Variants in AGBL3 observed in about 807,000 individuals in gnomAD.
AGBL3 encodes AGBL carboxypeptidase 3.
Under a neutral mutation model 94.5 loss-of-function variants are expected in AGBL3, and 68 were observed. The observed-to-expected ratio is 0.72, with a 90% confidence interval of 0.59 to 0.88. The LOEUF (loss-of-function observed/expected upper bound fraction) is 0.88, where lower values mean the gene tolerates loss of function less well. Ranked by LOEUF, AGBL3 falls within the 40% of genes least tolerant of loss-of-function variation. AGBL3 has a pLI of 0.00. For synonymous variants in AGBL3, 354 were observed against 370.7 expected, an observed-to-expected ratio of 0.95 and a Z score of 0.52; for missense variants, 934 against 1,103.8, an observed-to-expected ratio of 0.85 and a Z score of 2.18.
intron 8 of AGBL3, among the ~76,000 whole-genome samples, chr7:135,043,757 A>AAT (rs1476325599): frequency 6.6e-6 from 1 of 151,970 alleles, no homozygotes; most frequent in African/African-American, 2.4e-5. Context: ...ACTTATTTTG[A>AAT]ATATATATGT....
At chr7:134,994,012 T>C (rs1051763779) in intron 4 of AGBL3, among the ~76,000 whole-genome samples, 41 of 152,256 alleles carry the variant, frequency 2.7e-4, no homozygotes, top group African/African-American at 9.6e-4. Context: ...AGTAGCCACA[T>C]GGGCTTAAAT....
intron 1 of AGBL3, 64 bp downstream of exon 1, chr7:134,986,765 T>G (rs766418284): frequency 3.3e-5 from 5 of 152,304 alleles, no homozygotes; most frequent in Non-Finnish European, 7.3e-5. Flanking sequence ...AATGAGCGCC[T>G]CCCCACACCA....
chr7:135,000,177 G>A lies in AGBL3; in HGVS notation c.310+6499G>A, dbSNP rs140515125. 3.9e-3 allele frequency among the ~76,000 whole-genome samples: 588 copies of A among 152,316 alleles called. 3 individuals are homozygous for A. The highest frequency in any genetic ancestry group is 5.7e-3 in the Non-Finnish European group (386 of 68,034). Reference sequence around the variant, plus strand: ...CTTTCACATCACTTAAGGCATTGTGGGCATTTCAGCTTTCACGGTTATATG... The same window carrying A: ...CTTTCACATCACTTAAGGCATTGTGAGCATTTCAGCTTTCACGGTTATATG... On this transcript the variant is annotated intron_variant, in intron 4 of 16. Transcript: ENST00000436302.
At chr7:135,000,128 G>A (rs1336643932) in intron 4 of AGBL3, among the ~76,000 whole-genome samples, 3 of 152,198 alleles carry the variant, frequency 2.0e-5, no homozygotes, top group Non-Finnish European at 2.9e-5. Flanking sequence ...GAGCCCTTCT[G>A]GGCACTGCCT....
In AGBL3 at chr7:135,099,167, G is replaced by T. The variant is rs149208873; in HGVS notation, c.2111-16213G>T. 5.4e-3 allele frequency among the ~76,000 whole-genome samples: 697 copies of T among 129,804 alleles called. 3 individuals are homozygous for T. Among genetic ancestry groups the T allele is most frequent in the African/African-American group, 0.018 (667 of 37,052 alleles). 85.2% of individuals were successfully genotyped at this position (129,804 alleles called of 152,430 possible). ...ATATGTTAGACTATTTTTTGGTCTG[G>T]TATATCTGTGTCCTAGATTGGCTCT... is the stretch of plus-strand genomic sequence containing the variant. On this transcript the variant is annotated intron_variant, in intron 15 of 16. Coordinates refer to ENST00000436302, the MANE Select transcript of AGBL3 (RefSeq NM_178563.4).
At chr7:135,050,884 T>C in intron 11 of AGBL3, 1 of 283,566 alleles carries the variant, frequency 3.5e-6, no homozygotes. Context: ...TGTCCTTTGA[T>C]TGAGTTTAGT....
At chr7:135,091,484 G>C (rs1821850490) in intron 15 of AGBL3, among the ~76,000 whole-genome samples, 1 of 152,112 alleles carries the variant, frequency 6.6e-6, no homozygotes. Context: ...TGTATAAGTG[G>C]ATCCACACAG....
intron 5 of AGBL3, among the ~76,000 whole-genome samples, chr7:135,026,137 T>C (rs914996179): frequency 1.3e-5 from 2 of 151,344 alleles, no homozygotes; most frequent in African/African-American, 4.8e-5. Context: ...TATTCTAAGA[T>C]CAACCACATG....
intron 6 of AGBL3, 93 bp downstream of exon 6, chr7:135,033,075 C>A (rs968915918): frequency 8.0e-7 from 1 of 1,243,000 alleles, no homozygotes; most frequent in Non-Finnish European, 1.1e-6. Context: ...CATTATGAAA[C>A]TGTAATTCCT....
intron 4 of AGBL3, among the ~76,000 whole-genome samples, chr7:135,003,654 T>G (rs1330395151): frequency 6.6e-6 from 1 of 151,672 alleles, no homozygotes; most frequent in Non-Finnish European, 1.5e-5. Context: ...TATTATAGTT[T>G]TAATTTTTTT....
At chr7:135,019,092 A>G (rs915054950) in intron 5 of AGBL3, among the ~76,000 whole-genome samples, 3 of 152,224 alleles carry the variant, frequency 2.0e-5, no homozygotes, top group Non-Finnish European at 1.5e-5. Context: ...TCAGTCATAC[A>G]GTAAGTACAC....
chr7:134,989,250 G>C lies in AGBL3; in HGVS notation c.64G>C (p.Asp22His), dbSNP rs1300521005. Residue 22 changes from aspartate to histidine, a missense_variant and splice_region_variant, in exon 3 of 17, where the codon GAT becomes CAT. By Grantham distance (81) the Asp-to-His change is moderately conservative. Around this residue, in one of 3 missense-constraint regions of AGBL3, gnomAD observed 488 missense variants for 563.6 expected, o/e 0.87. Coordinates refer to ENST00000436302, the MANE Select transcript of AGBL3 (RefSeq NM_178563.4). ...DRTISDEDES[D>H]EDMFMKFVSE... ...AAATATTTTTAAATTCTTATTTTAG[G>C]ATGAGGATATGTTCATGAAATTTGT... is the stretch of plus-strand genomic sequence containing the variant. 6.5e-7 allele frequency: 1 copy of C among 1,538,046 alleles called. No homozygotes were observed. The highest frequency in any genetic ancestry group is 8.8e-7 in the Non-Finnish European group (1 of 1,140,118).
chr7:135,134,992 C>T lies in AGBL3; in HGVS notation c.2494C>T (p.Pro832Ser). 6.4e-7 allele frequency: 1 copy of T among 1,551,172 alleles called. No individual in the cohort carries two copies. Among genetic ancestry groups the T allele is most frequent in the Non-Finnish European group, 8.7e-7 (1 of 1,146,656 alleles). The change falls in exon 17 of 17, where the codon CCT becomes TCT. Residue 832 changes from proline to serine, a missense_variant. This residue lies in a region of AGBL3 where 441 missense variants were observed against 518.2 expected (regional missense o/e 0.85). Coordinates refer to ENST00000436302, the MANE Select transcript of AGBL3 (RefSeq NM_178563.4). The stretch of plus-strand genomic sequence containing the variant: ...CCACAGGTCATTGGAAAGTTTATCA[C>T]CTCTCAAAGGCCCCAAGAAGAATAA... ...KPHRSLESLS[P>S]LKGPKKNKHS...
At chr7:135,004,531 C>T (rs1812138202) in intron 4 of AGBL3, among the ~76,000 whole-genome samples, 1 of 151,556 alleles carries the variant, frequency 6.6e-6, no homozygotes, top group Non-Finnish European at 1.5e-5. Flanking sequence ...TATTTTGTTA[C>T]TGTTTTAGAG....
intron 5 of AGBL3, among the ~76,000 whole-genome samples, chr7:135,017,694 C>T (rs894948287): frequency 6.8e-5 from 3 of 44,212 alleles, no homozygotes; most frequent in Non-Finnish European, 1.3e-4. Flanking sequence ...TTCACCATCA[C>T]AGTTTAATGT....
intron 5 of AGBL3, among the ~76,000 whole-genome samples, chr7:135,030,478 G>A (rs1815611275): frequency 6.6e-6 from 1 of 152,150 alleles, no homozygotes; most frequent in Admixed American, 6.6e-5. Flanking sequence ...ATAAGTAGGA[G>A]ACCATCTGTA....
chr7:135,097,951 A>G (rs1823162481), intron 15 of AGBL3, among the ~76,000 whole-genome samples: 2 of 152,184 alleles, frequency 1.3e-5, no homozygotes, highest in African/African-American at 4.8e-5. Context: ...TCAGTGCTTT[A>G]AAAACATTTT....
At chr7:134,989,376 G>A in intron 3 of AGBL3, 66 bp downstream of exon 3, 1 of 1,145,176 alleles carries the variant, frequency 8.7e-7, no homozygotes, top group Non-Finnish European at 1.2e-6. Context: ...AGAAGATGAG[G>A]AAACTAAAAA....
At chr7:135,062,449 G>T (rs977377184) in intron 12 of AGBL3, among the ~76,000 whole-genome samples, 7 of 152,040 alleles carry the variant, frequency 4.6e-5, no homozygotes, top group African/African-American at 1.7e-4. Context: ...TGATCTTAGA[G>T]GAAAAGCTTT....
Sources: gnomAD v4.1 joint callset for allele counts (sites outside exome capture counted in the v4.1 genomes callset) on GRCh38, gnomAD v4.1.1 for gene constraint, gnomAD v4.1.1 regional missense constraint, MANE v1.5 for transcripts, NCBI Gene and HGNC (gene_info 2026-07-23, HGNC 2026-07-21) for gene names.